Variants in OCRL observed in about 807,000 individuals in gnomAD.
OCRL encodes the protein inositol polyphosphate 5-phosphatase OCRL.
Under a neutral mutation model 78.9 loss-of-function variants are expected in OCRL, and 8 were observed. That is an observed-to-expected ratio of 0.10 (90% CI 0.06 to 0.18). The LOEUF is 0.18. OCRL is among the 10% of genes least tolerant of loss of function. The probability of loss-of-function intolerance (pLI) is 1.00; values close to 1 mark genes in which losing one functional copy is unlikely to be tolerated. For missense variants in OCRL, 454 were observed against 696.7 expected, an observed-to-expected ratio of 0.65 and a Z score of 3.92; for synonymous variants, 240 against 235.4, an observed-to-expected ratio of 1.02 and a Z score of -0.18.
chrX:129,556,182 G>A (rs1466009029), intron 4 of OCRL, among the ~76,000 whole-genome samples: 2 of 112,178 alleles, frequency 1.8e-5, no homozygotes, highest in African/African-American at 6.5e-5. Flanking sequence ...TAAAAACTAG[G>A]ATTTTCATTT....
At chrX:129,549,463 C>G (rs1375047728) in intron 4 of OCRL, among the ~76,000 whole-genome samples, 6 of 110,543 alleles carry the variant, frequency 5.4e-5, no homozygotes, top group African/African-American at 2.0e-4. Context: ...AGTCCCTGCC[C>G]TTGGCACTAT....
intron 18 of OCRL, among the ~76,000 whole-genome samples, chrX:129,583,391 A>C (rs751728605): frequency 8.9e-6 from 1 of 112,069 alleles, no homozygotes; most frequent in African/African-American, 3.2e-5. Context: ...ACATAGTGAT[A>C]ATGACTGTGG....
At chrX:129,564,972 G>C (rs1936197951) in intron 12 of OCRL, among the ~76,000 whole-genome samples, 1 of 111,688 alleles carries the variant, frequency 9.0e-6, no homozygotes, top group African/African-American at 3.3e-5. Flanking sequence ...CAATAATTAG[G>C]ATCATGTAGA....
chrX:129,576,256 C>G, intron 17 of OCRL, 61 bp from the exon 18 acceptor site: 1 of 1,052,882 alleles, frequency 9.5e-7, no homozygotes, highest in South Asian at 1.9e-5. Context: ...GGTTCTTATA[C>G]TCTTTTTTGC....
rs763329596 is a variant in OCRL at position 129,567,240 on chromosome X, C to T, written c.1357-14C>T. ...GTGTTATCCTGCTTATTTGATGCTT[C>T]TTTCTATCTGTAGCTAAATATTCAG... On this transcript the variant is annotated splice_polypyrimidine_tract_variant and intron_variant, in intron 13 of 23. Coordinates refer to ENST00000371113, the MANE Select transcript of OCRL (RefSeq NM_000276.4). 5.3e-6 allele frequency: 6 copies of T among 1,128,284 alleles called. No homozygotes were observed. The South Asian group carries it at 9.1e-5, about 17-fold the overall frequency. The allele number at this position is 1,128,284 out of a possible 1,213,427, so 93.0% of individuals were successfully genotyped here.
intron 12 of OCRL, among the ~76,000 whole-genome samples, chrX:129,563,411 GTTTT>G (rs980823622): frequency 5.4e-5 from 6 of 111,582 alleles, no homozygotes; most frequent in African/African-American, 2.0e-4. Context: ...ATACTCACTT[GTTTT>G]TTTTCTTTTT....
At chrX:129,565,993 G>C in intron 13 of OCRL, 110 bp downstream of exon 13, 1 of 537,825 alleles carries the variant, frequency 1.9e-6, no homozygotes, top group Non-Finnish European at 3.2e-6. Flanking sequence ...TTACTGTCTT[G>C]TGAAAACAGT....
Position 129,557,307 on chromosome X carries a change from G to A in OCRL, c.239-18G>A, listed in dbSNP as rs771786910. Reference sequence around the variant, plus strand: ...TTTATCCCATAGCAGTATATGTATGGATTTCAATTCTTTTTAGGTGGCTGC... The same window carrying A: ...TTTATCCCATAGCAGTATATGTATGAATTTCAATTCTTTTTAGGTGGCTGC... On this transcript the variant is annotated intron_variant, in intron 4 of 23. Transcript: ENST00000371113. The A allele has an allele frequency of 1.7e-6, 2 of 1,185,828 alleles. No individual in the cohort carries two copies. The highest frequency in any genetic ancestry group is 2.3e-6 in the Non-Finnish European group (2 of 872,071).
At chrX:129,553,247 T>G (rs1297481785) in intron 4 of OCRL, 1 of 112,272 alleles carries the variant, frequency 8.9e-6, no homozygotes. Context: ...TCTAATAAGA[T>G]GACTGAAGAA....
chrX:129,578,407 G>A (rs762807936), intron 18 of OCRL, among the ~76,000 whole-genome samples: 1 of 107,807 alleles, frequency 9.3e-6, no homozygotes, highest in African/African-American at 3.4e-5. Flanking sequence ...TCCAGTCAAG[G>A]GTCAACCATT....
chrX:129,546,164 C>G (rs775538410), intron 3 of OCRL, among the ~76,000 whole-genome samples: 6 of 112,170 alleles, frequency 5.3e-5, no homozygotes, highest in Non-Finnish European at 9.4e-5. Context: ...AATTCCCATC[C>G]TTTCAGAGAT....
rs1014690705 is a variant in OCRL, at chrX:129,580,513, T to C, written c.2116-3831T>C. On this transcript the variant is annotated intron_variant, in intron 18 of 23. Transcript: ENST00000371113. ...ATTAGTATGAGGTTGCAAATTGATA[T>C]AGTTGGAAGAACATTCTGGTGTTAC... 1.6e-4 allele frequency among the ~76,000 whole-genome samples: 18 copies of C among 112,077 alleles called. 1 individual carries two copies. The highest frequency in any genetic ancestry group is 5.8e-4 in the African/African-American group (18 of 30,812).
At chrX:129,588,411 C>T (rs1476440570) in intron 21 of OCRL, 148 bp downstream of exon 21, 2 of 512,202 alleles carry the variant, frequency 3.9e-6, no homozygotes, top group Non-Finnish European at 6.6e-6. Flanking sequence ...ACTTGTTTCT[C>T]ATTTCCTTTC....
intron 4 of OCRL, among the ~76,000 whole-genome samples, chrX:129,554,908 C>T (rs1302094260): frequency 4.7e-5 from 5 of 106,776 alleles, no homozygotes; most frequent in East Asian, 5.8e-4. Flanking sequence ...GCCGAGATCG[C>T]GGCATTGCAT....
chrX:129,562,135 A>G (rs1936154064), intron 10 of OCRL, among the ~76,000 whole-genome samples: 1 of 112,032 alleles, frequency 8.9e-6, no homozygotes, highest in African/African-American at 3.2e-5. Context: ...AGTGATTAAA[A>G]GAATAGATCT....
intron 18 of OCRL, among the ~76,000 whole-genome samples, chrX:129,580,664 G>C (rs73567420): frequency 0.034 from 3,754 of 111,831 alleles, 165 homozygotes; most frequent in African/African-American, 0.11. Context: ...GGACATATCT[G>C]TTGGGAGAAC....
intron 16 of OCRL, 131 bp downstream of exon 16, chrX:129,575,381 G>C: frequency 2.2e-6 from 1 of 458,664 alleles, no homozygotes; most frequent in Admixed American, 3.5e-5. Context: ...CTCCATTCCA[G>C]TTGTAGCACG....
intron 20 of OCRL, among the ~76,000 whole-genome samples, chrX:129,587,889 G>C (rs1301225071): frequency 9.1e-6 from 1 of 110,376 alleles, no homozygotes; most frequent in African/African-American, 3.3e-5. Context: ...AATTTTAAAG[G>C]AGGCTAGAAT....
chrX:129,569,328 C>T lies in OCRL; in HGVS notation c.1531C>T (p.Leu511Phe). 1 of 1,210,791 alleles carries T rather than the reference C, an allele frequency of 8.3e-7. No homozygotes were observed. Among genetic ancestry groups the T allele is most frequent in the Non-Finnish European group, 1.1e-6 (1 of 894,527 alleles). Residue 511 changes from leucine to phenylalanine, a missense_variant, in exon 15 of 24, where the codon CTT becomes TTT. Physicochemically the swap from Leu to Phe is conservative, Grantham distance 22 (BLOSUM62 0). Around this residue, in one of 2 missense-constraint regions of OCRL, gnomAD observed 277 missense variants for 517.1 expected, o/e 0.54. Transcript: ENST00000371113. Reference protein sequence around the residue: ...ILWRGTNVNQLNYRSHMELKT... With the variant: ...ILWRGTNVNQFNYRSHMELKT... ...TTGGAGAGGAACAAATGTTAATCAG[C>T]TTAATTATCGGAGTCACATGGAACT...
Sources: gnomAD v4.1 joint callset for allele counts (sites outside exome capture counted in the v4.1 genomes callset) on GRCh38, gnomAD v4.1.1 for gene constraint, gnomAD v4.1.1 regional missense constraint, MANE v1.5 for transcripts, NCBI Gene and HGNC (gene_info 2026-07-23, HGNC 2026-07-21) for gene names.